Variants in BAZ2B observed in about 807,000 individuals in gnomAD.
The protein encoded by BAZ2B is bromodomain adjacent to zinc finger domain protein 2B.
BAZ2B carries 91 observed loss-of-function variants against 246.0 expected under a neutral mutation model. That is an observed-to-expected ratio of 0.37 (90% CI 0.31 to 0.44). The LOEUF (loss-of-function observed/expected upper bound fraction) is 0.44. Among genes scored for constraint, BAZ2B ranks in the 20% least tolerant of loss-of-function variants. The probability of loss-of-function intolerance (pLI) is 1.00; values close to 1 mark genes in which losing one functional copy is unlikely to be tolerated. For missense variants in BAZ2B, 2,332 were observed against 2,533.7 expected, an observed-to-expected ratio of 0.92 and a Z score of 1.71; for synonymous variants, 855 against 860.0, an observed-to-expected ratio of 0.99 and a Z score of 0.10.
the BAZ2B span, among the ~76,000 whole-genome samples, chr2:159,626,773 C>A: frequency 1.5e-4 from 23 of 152,148 alleles, no homozygotes; most frequent in Admixed American, 2.6e-4. Context: ...GAAGCAAGAT[C>A]AAACAAATTC....
intron 25 of BAZ2B, among the ~76,000 whole-genome samples, chr2:159,380,646 C>T (rs752169773): frequency 9.9e-5 from 15 of 152,124 alleles, no homozygotes; most frequent in Non-Finnish European, 1.6e-4. Context: ...ACTATTTGCG[C>T]TAACAATGTG....
chr2:159,346,862 T>A (rs2067935743), intron 31 of BAZ2B, among the ~76,000 whole-genome samples: 2 of 152,096 alleles, frequency 1.3e-5, no homozygotes, highest in African/African-American at 4.8e-5. Flanking sequence ...TTCTGATCAT[T>A]ACCTGTAACA....
At chr2:159,647,859 C>T in the BAZ2B span, among the ~76,000 whole-genome samples, 1 of 152,120 alleles carries the variant, frequency 6.6e-6, no homozygotes, top group Non-Finnish European at 1.5e-5. Context: ...TGCAATTATT[C>T]ATAATAAATA....
At chr2:159,614,539 C>A (rs2151833558) in intron 1 of BAZ2B, among the ~76,000 whole-genome samples, 1 of 151,778 alleles carries the variant, frequency 6.6e-6, no homozygotes, top group African/African-American at 2.4e-5. Context: ...ATTAACCAAG[C>A]TAATTTTCAA....
chr2:159,567,243 A>G (rs1016986690), intron 1 of BAZ2B, among the ~76,000 whole-genome samples: 7 of 152,086 alleles, frequency 4.6e-5, no homozygotes, highest in Non-Finnish European at 5.9e-5. Flanking sequence ...AGAAAAAAAG[A>G]AAAAAATTCA....
chr2:159,578,064 A>G (rs1332695587), intron 1 of BAZ2B, among the ~76,000 whole-genome samples: 2 of 152,198 alleles, frequency 1.3e-5, no homozygotes, highest in Non-Finnish European at 2.9e-5. Flanking sequence ...TTTCCCTAGT[A>G]TGAACACATG....
chr2:159,656,360 A>G, the BAZ2B span, among the ~76,000 whole-genome samples: 1 of 152,250 alleles, frequency 6.6e-6, no homozygotes, highest in Admixed American at 6.5e-5. Flanking sequence ...TACAGATTAC[A>G]TTGGGGGTAT....
At chr2:159,408,181 TTTTG>T (rs1416445385) in intron 14 of BAZ2B, among the ~76,000 whole-genome samples, 1 of 152,114 alleles carries the variant, frequency 6.6e-6, no homozygotes, top group Non-Finnish European at 1.5e-5. Context: ...ACACAGTAAT[TTTTG>T]TTTATTTGTT....
intron 1 of BAZ2B, among the ~76,000 whole-genome samples, chr2:159,607,618 G>C (rs1010834128): frequency 7.9e-5 from 12 of 152,128 alleles, no homozygotes; most frequent in African/African-American, 2.9e-4. Context: ...GTATGGGTTG[G>C]GGTGACCTTG....
At position 159,517,303 on chromosome 2, in the gene BAZ2B, GT is replaced by G. The variant is rs1007083640; in HGVS notation, c.-3+38519del. Among the ~76,000 whole-genome samples the G allele has an allele frequency of 9.8e-4, 147 of 149,370 alleles. 2 individuals carry two copies. The highest frequency in any genetic ancestry group is 1.7e-3 in the African/African-American group (68 of 40,676). On this transcript the variant is annotated intron_variant, in intron 2 of 36. Transcript: ENST00000392783. The stretch of plus-strand genomic sequence containing the variant: ...TGAAAACTAAGTTTCTTTGTCCATA[GT>G]TTTTTTTTTCCCCCCAAATTGCTGT...
At chr2:159,595,282 A>C (rs1362341596) in intron 1 of BAZ2B, among the ~76,000 whole-genome samples, 1 of 151,312 alleles carries the variant, frequency 6.6e-6, no homozygotes, top group African/African-American at 2.4e-5. Context: ...TTGTATTTTT[A>C]GTAGAGATGG....
intron 1 of BAZ2B, among the ~76,000 whole-genome samples, chr2:159,571,385 G>T (rs183107639): frequency 6.6e-6 from 1 of 152,116 alleles, no homozygotes; most frequent in African/African-American, 2.4e-5. Flanking sequence ...ATGCTGTGGT[G>T]TAGTAATAAA....
chr2:159,582,369 A>G (rs1181088438), intron 1 of BAZ2B, among the ~76,000 whole-genome samples: 2 of 152,196 alleles, frequency 1.3e-5, no homozygotes, highest in Admixed American at 1.3e-4. Context: ...TTTGTAATAC[A>G]AATAAGTAGC....
At chr2:159,499,322 G>A (rs921183199) in intron 2 of BAZ2B, among the ~76,000 whole-genome samples, 1 of 152,056 alleles carries the variant, frequency 6.6e-6, no homozygotes. Context: ...TAATGGCTTC[G>A]AACTCCATCC....
chr2:159,489,593 C>T (rs1320114403), intron 2 of BAZ2B, among the ~76,000 whole-genome samples: 7 of 152,016 alleles, frequency 4.6e-5, no homozygotes, highest in East Asian at 3.9e-4. Flanking sequence ...CCGGATAAAC[C>T]GAAAAAGAAA....
chr2:159,440,978 C>A (rs7569660), intron 6 of BAZ2B, among the ~76,000 whole-genome samples: 73,742 of 151,774 alleles, frequency 0.49, 18,720 homozygotes, highest in Middle Eastern at 0.6. Context: ...GGTACCCACA[C>A]AATGAGAAAG....
downstream of BAZ2B, among the ~76,000 whole-genome samples, chr2:159,316,869 C>T (rs1310185876): frequency 6.6e-6 from 1 of 151,394 alleles, no homozygotes; most frequent in Non-Finnish European, 1.5e-5. Flanking sequence ...GGTGTGGTGG[C>T]ACGTGCTTGT....
At chr2:159,418,002 G>A (rs1167875019) in intron 13 of BAZ2B, among the ~76,000 whole-genome samples, 1 of 152,182 alleles carries the variant, frequency 6.6e-6, no homozygotes, top group African/African-American at 2.4e-5. Flanking sequence ...AGAGAGAACT[G>A]GCTGAAATTG....
chr2:159,566,303 G>A (rs536038248), intron 1 of BAZ2B, among the ~76,000 whole-genome samples: 10 of 152,054 alleles, frequency 6.6e-5, no homozygotes, highest in Admixed American at 2.6e-4. Flanking sequence ...GACCCACCGC[G>A]CCTGGCAATG....
Sources: gnomAD v4.1 joint callset for allele counts (sites outside exome capture counted in the v4.1 genomes callset) on GRCh38, gnomAD v4.1.1 for gene constraint, MANE v1.5 for transcripts, NCBI Gene and HGNC (gene_info 2026-07-23, HGNC 2026-07-21) for gene names.